The following ZFHX3 variants were observed in gnomAD, a reference collection of about 807,000 sequenced individuals.
ZFHX3 encodes zinc finger homeobox 3.
Under a neutral mutation model 279.1 loss-of-function variants are expected in ZFHX3, and 42 were observed. The ratio of observed to expected loss-of-function variants is 0.15; its 90% CI spans 0.12 to 0.19. The LOEUF (loss-of-function observed/expected upper bound fraction) is 0.19. Among genes scored for constraint, ZFHX3 ranks in the 10% least tolerant of loss-of-function variants. The pLI is 1.00. For synonymous variants in ZFHX3, 2,293 were observed against 1,957.8 expected (o/e 1.17, Z -4.52); for missense variants, 4,981 against 4,754.0 (o/e 1.05, Z -1.40).
At chr16:72,924,531 T>C (rs1045838470) in intron 3 of ZFHX3, among the ~76,000 whole-genome samples, 45 of 152,306 alleles carry the variant, frequency 3.0e-4, no homozygotes, top group African/African-American at 9.9e-4. Flanking sequence ...TGGGATGAGA[T>C]GCTGCTTCCA....
At chr16:73,000,813 A>G (rs76601242) in intron 1 of ZFHX3, among the ~76,000 whole-genome samples, 5 of 152,214 alleles carry the variant, frequency 3.3e-5, no homozygotes, top group African/African-American at 7.2e-5. Context: ...ACACTCCTGG[A>G]GTCTCTGCTG....
chr16:73,711,277 G>A (rs1007242096), intron 1 of ZFHX3, among the ~76,000 whole-genome samples: 3 of 151,930 alleles, frequency 2.0e-5, no homozygotes, highest in Non-Finnish European at 4.4e-5. Context: ...AAACCATCCC[G>A]TGAAGTTTAA....
intron 5 of ZFHX3, among the ~76,000 whole-genome samples, chr16:72,819,482 A>G (rs2143655253): frequency 6.6e-6 from 1 of 152,316 alleles, no homozygotes; most frequent in East Asian, 1.9e-4. Flanking sequence ...CCCCTGCCCT[A>G]AGGTTCTGAT....
intron 3 of ZFHX3, among the ~76,000 whole-genome samples, chr16:73,422,197 A>ATTT (rs34462342): frequency 2.8e-5 from 4 of 144,570 alleles, no homozygotes; most frequent in Non-Finnish European, 3.1e-5. Flanking sequence ...TTTTCAGAAG[A>ATTT]TTTTTTTTTT....
intron 2 of ZFHX3, among the ~76,000 whole-genome samples, chr16:73,484,104 G>A (rs1425285607): frequency 6.6e-6 from 1 of 152,012 alleles, no homozygotes; most frequent in South Asian, 2.1e-4. Flanking sequence ...CGAGCCCAGG[G>A]GCTGCAGGTA....
At chr16:73,350,042 T>C (rs1272061104) in intron 3 of ZFHX3, among the ~76,000 whole-genome samples, 2 of 151,846 alleles carry the variant, frequency 1.3e-5, no homozygotes, top group African/African-American at 4.8e-5. Context: ...GAAGCCTTTT[T>C]CCTTGTGTAG....
At chr16:73,707,670 A>G (rs1326000797) in intron 1 of ZFHX3, among the ~76,000 whole-genome samples, 3 of 151,982 alleles carry the variant, frequency 2.0e-5, no homozygotes, top group African/African-American at 7.2e-5. Context: ...CAGCACACCA[A>G]CATGGCACAT....
At chr16:73,351,799 TG>T (rs1420641185) in intron 3 of ZFHX3, among the ~76,000 whole-genome samples, 3 of 152,190 alleles carry the variant, frequency 2.0e-5, no homozygotes, top group Non-Finnish European at 4.4e-5. Context: ...GGCAGGTCCA[TG>T]GGGGTGACCT....
intron 3 of ZFHX3, among the ~76,000 whole-genome samples, chr16:73,411,598 G>C (rs1040863155): frequency 2.0e-5 from 3 of 152,106 alleles, no homozygotes; most frequent in African/African-American, 7.2e-5. Context: ...GCCTGTGAGG[G>C]TGTTGGGGTA....
intron 7 of ZFHX3, among the ~76,000 whole-genome samples, chr16:73,108,325 C>A (rs1185993188): frequency 7.6e-6 from 1 of 131,486 alleles, no homozygotes; most frequent in African/African-American, 2.8e-5. Flanking sequence ...CAGAGCAAGA[C>A]CTTACCTTAA....
rs577656242 is a variant in ZFHX3 at position 72,832,749 on chromosome 16, T to G, written c.3449-2890A>C. ...GGACCTACAGGTGTCGCCCTCCGCA[T>G]GGCGAGGCCCGGAAGGGCAGCTGGC... On this transcript the variant is annotated intron_variant, in intron 4 of 9. Transcript: ENST00000268489. 5.4e-5 allele frequency among the ~76,000 whole-genome samples: 8 copies of G among 149,434 alleles called. 1 individual carries two copies. In the South Asian group the frequency reaches 1.7e-3, roughly 32 times the overall value.
At chr16:73,751,993 A>G (rs971321751) in intron 1 of ZFHX3, among the ~76,000 whole-genome samples, 5 of 152,218 alleles carry the variant, frequency 3.3e-5, no homozygotes, top group African/African-American at 1.2e-4. Context: ...CTGAGAAACT[A>G]GGGTGGCTAA....
chr16:73,235,370 A>T (rs1597234458), intron 5 of ZFHX3, among the ~76,000 whole-genome samples: 1 of 152,206 alleles, frequency 6.6e-6, no homozygotes, highest in Non-Finnish European at 1.5e-5. Context: ...ATGGTGAGGC[A>T]CCATGCCCGG....
At chr16:73,503,494 A>G (rs991329491) in intron 2 of ZFHX3, among the ~76,000 whole-genome samples, 1 of 152,198 alleles carries the variant, frequency 6.6e-6, no homozygotes, top group Admixed American at 6.5e-5. Flanking sequence ...GTGGTACTCC[A>G]TGGCGGCACC....
Position 73,784,786 on chromosome 16 carries a change from T to TAAAAAA in ZFHX3, c.-1607-104552_-1607-104547dup, listed in dbSNP as rs66537411. On this transcript the variant is annotated intron_variant, in intron 1 of 17. Coordinates refer to the ZFHX3 transcript ENST00000641206. Reference sequence around the variant, plus strand: ...TTTTAAAAAACTATTTTTAACAAAATAAAAAAAAAAATATATATATATATA... The same window carrying TAAAAAA: ...TTTTAAAAAACTATTTTTAACAAAATAAAAAAAAAAAAAAAAATATATATATATATA... Among the ~76,000 whole-genome samples, 1,236 of 133,744 alleles carry TAAAAAA rather than the reference T, an allele frequency of 9.2e-3. 22 individuals are homozygous for TAAAAAA. The highest frequency in any genetic ancestry group is 0.033 in the African/African-American group (1,109 of 33,882). 87.7% of individuals were successfully genotyped at this position (133,744 alleles called of 152,430 possible). A position where few individuals can be genotyped will look rare whatever the true frequency, so the allele number is the denominator to read the frequency against.
chr16:72,787,512 C>T lies in ZFHX3; in HGVS notation c.10764G>A (p.Gln3588=), dbSNP rs201078474. ...FPDPSTASTS[Q]SAAHSNDSPP... is the part of the protein sequence containing the mutation. Reference sequence around the variant, plus strand: ...GGCTGTCGTTTGAGTGAGCGGCAGACTGCGAGGTAGATGCGGTGCTAGGAT... The same window carrying T: ...GGCTGTCGTTTGAGTGAGCGGCAGATTGCGAGGTAGATGCGGTGCTAGGAT... Residue 3588 remains glutamine (Q), a synonymous_variant, in exon 10 of 10, where the codon CAG becomes CAA. Coordinates refer to ENST00000268489, the MANE Select transcript of ZFHX3 (RefSeq NM_006885.4). 4.7e-5 allele frequency: 76 copies of T among 1,613,904 alleles called. 1 individual carries two copies. In the Admixed American group the frequency reaches 1.2e-3, roughly 25 times the overall value.
At chr16:72,803,596 C>T (rs940570701) in intron 7 of ZFHX3, among the ~76,000 whole-genome samples, 1 of 152,192 alleles carries the variant, frequency 6.6e-6, no homozygotes, top group African/African-American at 2.4e-5. Flanking sequence ...ATACTTCCAG[C>T]CATGGACTCA....
intron 3 of ZFHX3, among the ~76,000 whole-genome samples, chr16:73,390,115 C>T (rs988710972): frequency 2.0e-5 from 3 of 152,042 alleles, no homozygotes; most frequent in Non-Finnish European, 2.9e-5. Flanking sequence ...AGGTAACTGG[C>T]ATGCCTCACC....
chr16:73,643,132 T>A (rs1012008340), intron 2 of ZFHX3, among the ~76,000 whole-genome samples: 1 of 152,168 alleles, frequency 6.6e-6, no homozygotes, highest in Non-Finnish European at 1.5e-5. Context: ...GCAAAAGAAC[T>A]AAAACAATAT....
Sources: allele counts gnomAD v4.1 joint callset (sites outside exome capture counted in the v4.1 genomes callset), GRCh38; gene constraint gnomAD v4.1.1; transcripts MANE v1.5; gene names NCBI Gene and HGNC (gene_info 2026-07-23, HGNC 2026-07-21).